The following ROBO2 variants were observed in gnomAD, a reference collection of about 807,000 sequenced individuals.
ROBO2 encodes the protein roundabout homolog 2.
In ROBO2, 53 loss-of-function variants were observed where a neutral mutation model predicts 160.8. The ratio of observed to expected loss-of-function variants is 0.33; its 90% CI spans 0.26 to 0.41. The LOEUF (loss-of-function observed/expected upper bound fraction) is 0.41, where lower values mean the gene tolerates loss of function less well. Among genes scored for constraint, ROBO2 ranks in the 10% least tolerant of loss-of-function variants. The pLI is 1.00. For synonymous variants in ROBO2, 664 were observed against 611.7 expected, an observed-to-expected ratio of 1.09 and a Z score of -1.26; for missense variants, 1,577 against 1,722.4, an observed-to-expected ratio of 0.92 and a Z score of 1.49.
intron 2 of ROBO2, among the ~76,000 whole-genome samples, chr3:76,729,203 A>G (rs374687767): frequency 6.6e-6 from 1 of 151,432 alleles, no homozygotes; most frequent in South Asian, 2.1e-4. Context: ...AGCTCTATAA[A>G]TGAATTGTGA....
chr3:76,104,933 G>C (rs7643807), intron 2 of ROBO2, among the ~76,000 whole-genome samples: 1 of 151,926 alleles, frequency 6.6e-6, no homozygotes, highest in South Asian at 2.1e-4. Flanking sequence ...TCAAGGACCA[G>C]GTTAAGTGCT....
intron 1 of ROBO2, among the ~76,000 whole-genome samples, chr3:77,060,825 C>T (rs1358536796): frequency 3.9e-5 from 6 of 152,130 alleles, no homozygotes; most frequent in African/African-American, 1.4e-4. Context: ...CTAACAGGCA[C>T]CAAGCAATTT....
At chr3:77,500,414 G>A (rs981458916) in intron 5 of ROBO2, among the ~76,000 whole-genome samples, 4 of 152,070 alleles carry the variant, frequency 2.6e-5, no homozygotes, top group African/African-American at 9.7e-5. Context: ...AAATGAGAGG[G>A]CATGATAATT....
chr3:77,097,626 T>G (rs886313265), intron 1 of ROBO2, among the ~76,000 whole-genome samples: 4 of 152,170 alleles, frequency 2.6e-5, no homozygotes. Flanking sequence ...ATGCTATCTA[T>G]GTGTGTCTTC....
intron 2 of ROBO2, among the ~76,000 whole-genome samples, chr3:77,125,828 T>G (rs1050328292): frequency 2.6e-5 from 4 of 152,200 alleles, no homozygotes; most frequent in African/African-American, 9.7e-5. Context: ...TTTTTAGTAA[T>G]TCATATCATA....
At chr3:76,757,146 T>G (rs2108316592) in intron 2 of ROBO2, among the ~76,000 whole-genome samples, 1 of 151,950 alleles carries the variant, frequency 6.6e-6, no homozygotes, top group East Asian at 2.0e-4. Context: ...ATATGAATAA[T>G]TATCTCCATT....
rs370686988 is a variant in ROBO2 at position 77,166,825 on chromosome 3, C to G, written c.388+68485C>G. On this transcript the variant is annotated intron_variant, in intron 2 of 25. Coordinates refer to ENST00000461745, the Ensembl canonical transcript of ROBO2. ...CCGCCTGCATCGGCCTCCCAAAGTG[C>G]TGGGATTACAGGCGTGAGCCCCCGC... Among the ~76,000 whole-genome samples, 15 of 152,330 alleles carry G rather than the reference C, an allele frequency of 9.8e-5. No individual in the cohort carries two copies. In the East Asian group the frequency reaches 2.9e-3, roughly 29 times the overall value.
At chr3:76,698,764 C>A (rs1191841211) in intron 2 of ROBO2, among the ~76,000 whole-genome samples, 1 of 152,130 alleles carries the variant, frequency 6.6e-6, no homozygotes, top group East Asian at 1.9e-4. Flanking sequence ...ATTTATTTAT[C>A]TTTCAGTATG....
At chr3:76,471,949 C>T (rs950414855) in intron 2 of ROBO2, among the ~76,000 whole-genome samples, 4 of 152,060 alleles carry the variant, frequency 2.6e-5, no homozygotes, top group Non-Finnish European at 5.9e-5. Context: ...GATTCAGTGA[C>T]CTCCCATCAG....
At chr3:76,420,424 A>G (rs944564025) in intron 2 of ROBO2, among the ~76,000 whole-genome samples, 2 of 152,238 alleles carry the variant, frequency 1.3e-5, no homozygotes, top group African/African-American at 4.8e-5. Flanking sequence ...ATGACGTGTT[A>G]AAATTGCCGG....
intron 2 of ROBO2, among the ~76,000 whole-genome samples, chr3:76,366,942 A>C (rs2075845444): frequency 6.6e-6 from 1 of 152,152 alleles, no homozygotes; most frequent in African/African-American, 2.4e-5. Flanking sequence ...GTTTTAAACT[A>C]TAATAGAATA....
chr3:77,311,866 C>CA (rs1309735270), intron 2 of ROBO2, among the ~76,000 whole-genome samples: 1 of 152,112 alleles, frequency 6.6e-6, no homozygotes, highest in African/African-American at 2.4e-5. Context: ...GTGGGCAGAT[C>CA]ACTTGAGGTC....
intron 2 of ROBO2, among the ~76,000 whole-genome samples, chr3:76,227,292 G>A (rs983071951): frequency 2.6e-5 from 4 of 152,170 alleles, no homozygotes; most frequent in African/African-American, 4.8e-5. Flanking sequence ...AGTACCAAAT[G>A]TAAGGGCACA....
At chr3:76,332,403 G>T (rs144361721) in intron 2 of ROBO2, among the ~76,000 whole-genome samples, 17 of 152,080 alleles carry the variant, frequency 1.1e-4, no homozygotes, top group African/African-American at 3.9e-4. Context: ...ATATAATTTC[G>T]TCAAAAATTT....
chr3:77,383,171 A>G (rs2073732364), intron 2 of ROBO2, among the ~76,000 whole-genome samples: 1 of 152,170 alleles, frequency 6.6e-6, no homozygotes, highest in African/African-American at 2.4e-5. Context: ...ATAGTTGATA[A>G]GAAATGAGAC....
Position 76,773,035 on chromosome 3 carries a change from C to T in ROBO2, c.110-324979C>T, listed in dbSNP as rs140339633. Among the ~76,000 whole-genome samples the T allele has an allele frequency of 4.0e-5, 6 of 150,948 alleles. No homozygotes were observed. In the East Asian group the frequency reaches 5.9e-4, roughly 15 times the overall value. On this transcript the variant is annotated intron_variant, in intron 2 of 26. Transcript: ENST00000487694. ...ACCATAACCAATGTAAAGTTAAAGG[C>T]GAAATGAGATTTCAAAGAAAACACA...
chr3:76,585,529 G>A (rs1160756897), intron 2 of ROBO2, among the ~76,000 whole-genome samples: 1 of 152,132 alleles, frequency 6.6e-6, no homozygotes, highest in Non-Finnish European at 1.5e-5. Context: ...GGTTGAATTT[G>A]TATTTCTAGA....
At chr3:77,593,760 C>T (rs1256946848) in intron 17 of ROBO2, among the ~76,000 whole-genome samples, 1 of 152,080 alleles carries the variant, frequency 6.6e-6, no homozygotes, top group Non-Finnish European at 1.5e-5. Flanking sequence ...AACTTGAGAA[C>T]AGAGGAGTTA....
intron 2 of ROBO2, among the ~76,000 whole-genome samples, chr3:76,529,929 T>C (rs1364083925): frequency 2.0e-5 from 3 of 152,320 alleles, no homozygotes; most frequent in African/African-American, 7.2e-5. Context: ...AACTGGTCTG[T>C]GATCCCTGCT....
Sources: allele counts gnomAD v4.1 joint callset (sites outside exome capture counted in the v4.1 genomes callset), GRCh38; gene constraint gnomAD v4.1.1; transcripts MANE v1.5; gene names NCBI Gene and HGNC (gene_info 2026-07-23, HGNC 2026-07-21).